MIA3: variants seen among roughly 807,000 people sequenced by gnomAD.
The protein encoded by MIA3 is transport and Golgi organization protein 1 homolog.
Under a neutral mutation model 192.4 loss-of-function variants are expected in MIA3, and 90 were observed. The observed-to-expected ratio is 0.47, with a 90% CI of 0.39 to 0.56. The LOEUF (loss-of-function observed/expected upper bound fraction) is 0.56. MIA3 is among the 20% of genes least tolerant of loss of function. MIA3 has a pLI of 0.00. For missense variants in MIA3, 2,123 were observed against 2,269.4 expected, an observed-to-expected ratio of 0.94 and a Z score of 1.31; for synonymous variants, 740 against 792.8, an observed-to-expected ratio of 0.93 and a Z score of 1.12.
chr1:222,650,782 C>CT lies in MIA3; in HGVS notation c.3799-5dup, dbSNP rs762962501. 7 of 1,588,166 alleles carry CT rather than the reference C, an allele frequency of 4.4e-6. No homozygotes were observed. The South Asian group carries it at 4.5e-5, about 10-fold the overall frequency. On this transcript the variant is annotated splice_polypyrimidine_tract_variant and intron_variant, in intron 10 of 27. Transcript: ENST00000344922. ...TAATGAGTATAACTAACCTTAATAT[C>CT]TTTTTTGTAGGATAAAATCAAGACA... is the stretch of plus-strand genomic sequence containing the variant.
intron 7 of MIA3, among the ~76,000 whole-genome samples, 163 bp from the exon 8 acceptor site, chr1:222,648,657 TTTGAAATGC>T (rs1349214327): frequency 6.6e-6 from 1 of 152,222 alleles, no homozygotes; most frequent in Admixed American, 6.5e-5. Context: ...ACTGGTTAAA[TTTGAAATGC>T]TTTTTAACCT....
At chr1:222,636,324 C>T (rs948933496) in intron 6 of MIA3, among the ~76,000 whole-genome samples, 1 of 152,096 alleles carries the variant, frequency 6.6e-6, no homozygotes. Context: ...ATTTAAATGT[C>T]TTGCAGCCCT....
intron 7 of MIA3, among the ~76,000 whole-genome samples, chr1:222,648,246 T>G (rs1369723386): frequency 6.6e-6 from 1 of 152,166 alleles, no homozygotes; most frequent in Non-Finnish European, 1.5e-5. Flanking sequence ...CTGTTTTTAG[T>G]GGTCTAGGAA....
intron 6 of MIA3, chr1:222,641,913 G>T: frequency 2.3e-6 from 1 of 428,358 alleles, no homozygotes; most frequent in South Asian, 1.7e-5. Flanking sequence ...ATCTATAGAT[G>T]ACAGATAAAC....
intron 18 of MIA3, among the ~76,000 whole-genome samples, chr1:222,656,385 T>C (rs995754266): frequency 1.3e-5 from 2 of 152,202 alleles, no homozygotes; most frequent in Non-Finnish European, 1.5e-5. Flanking sequence ...GATAGTTGTT[T>C]AGTATCAGCA....
intron 2 of MIA3, 44 bp downstream of exon 2, chr1:222,621,336 G>C (rs1460802810): frequency 5.7e-6 from 9 of 1,569,784 alleles, no homozygotes; most frequent in Non-Finnish European, 7.8e-6. Flanking sequence ...ATTTTTATTG[G>C]CTTCTTTAGC....
chr1:222,640,893 T>C (rs1662823134), intron 6 of MIA3, among the ~76,000 whole-genome samples: 1 of 152,184 alleles, frequency 6.6e-6, no homozygotes. Context: ...AAAATTCATC[T>C]AAAAAAATGT....
In MIA3 at chr1:222,659,441, T is replaced by C. The variant is rs879181724; in HGVS notation, c.4710-12T>C. On this transcript the variant is annotated splice_polypyrimidine_tract_variant and intron_variant, in intron 19 of 27. Transcript: ENST00000344922. ...TTGTGCTTTAAATGATAAAGCCAAGTGTAATTCTTAGGCGGAGAATTGAAG... is the reference window on the plus strand; with the variant it reads ...TTGTGCTTTAAATGATAAAGCCAAGCGTAATTCTTAGGCGGAGAATTGAAG... 4 of 1,612,788 alleles carry C rather than the reference T, an allele frequency of 2.5e-6. No individual in the cohort carries two copies. In the African/African-American group the frequency reaches 4.0e-5, roughly 16 times the overall value.
Position 222,628,482 on chromosome 1 carries a change from C to T in MIA3, c.1262C>T (p.Pro421Leu). ...GAAGATGATGATGATGCATTAGTCC[C>T]AGATAGCAAACAGGGGAAACCACAG... ...EKEDDDDALV[P>L]DSKQGKPQSA... Residue 421 changes from proline to leucine, a missense_variant, in exon 4 of 28, where the codon CCA becomes CTA. Around this residue, in one of 3 missense-constraint regions of MIA3, gnomAD observed 1,357 missense variants for 1,396.1 expected, o/e 0.97. Transcript: ENST00000344922. 3 of 1,613,404 alleles carry T rather than the reference C, an allele frequency of 1.9e-6. No individual in the cohort carries two copies. Among genetic ancestry groups the T allele is most frequent in the Non-Finnish European group, 2.5e-6 (3 of 1,179,822 alleles).
rs117586881 is a variant in MIA3, at chr1:222,665,041, A to T, written c.5414-268A>T. ...GGTGAAACCCCCATCTCTACAAAAA[A>T]TCCAAAAATTAGCTGGGAGTGGTGG... On this transcript the variant is annotated intron_variant, in intron 27 of 27. Coordinates refer to ENST00000344922, the MANE Select transcript of MIA3 (RefSeq NM_198551.4). 1,119 of 444,876 alleles carry T rather than the reference A, an allele frequency of 2.5e-3. 16 individuals are homozygous for T. The highest frequency in any genetic ancestry group is 0.016 in the South Asian group (737 of 45,730). 27.6% of individuals were successfully genotyped at this position (444,876 alleles called of 1,614,324 possible). A position where few individuals can be genotyped will look rare whatever the true frequency, so the allele number is the denominator to read the frequency against.
At chr1:222,643,545 G>A (rs887086164) in intron 6 of MIA3, among the ~76,000 whole-genome samples, 1 of 151,992 alleles carries the variant, frequency 6.6e-6, no homozygotes, top group Admixed American at 6.6e-5. Flanking sequence ...GTCTAAAAAT[G>A]GTATTTTTTA....
rs572001273 is a variant in MIA3, at chr1:222,633,206, C to T, written c.3434C>T (p.Ala1145Val). The stretch of plus-strand genomic sequence containing the variant: ...GCAAGTGTCACACCTTTGGAAAACG[C>T]AATCCTTCTAATATATTCATTCATG... Reference protein sequence around the residue: ...EPASVTPLENAILLIYSFMFY... With the variant: ...EPASVTPLENVILLIYSFMFY... The change falls in exon 6 of 28, where the codon GCA (alanine) becomes GTA (valine). Residue 1145 changes from alanine to valine, a missense_variant. By Grantham distance (64) the Ala-to-Val change is moderately conservative (BLOSUM62 0). Around this residue, in one of 3 missense-constraint regions of MIA3, gnomAD observed 1,357 missense variants for 1,396.1 expected, o/e 0.97. Transcript: ENST00000344922. 23 of 1,613,468 alleles carry T rather than the reference C, an allele frequency of 1.4e-5. No individual in the cohort carries two copies. In the South Asian group the frequency reaches 2.5e-4, roughly 18 times the overall value.
chr1:222,646,579 C>A (rs1036941935), intron 7 of MIA3, among the ~76,000 whole-genome samples: 3 of 152,002 alleles, frequency 2.0e-5, no homozygotes, highest in Non-Finnish European at 4.4e-5. Context: ...AGACAAAACC[C>A]CATCTCTACT....
rs537544824 is a variant in MIA3, at chr1:222,658,504, TGAGGA to T, written c.4608-214_4608-210del. 30 of 380,480 alleles carry T rather than the reference TGAGGA, an allele frequency of 7.9e-5. No homozygotes were observed. The East Asian group carries it at 1.5e-3, about 20-fold the overall frequency. 23.6% of individuals were successfully genotyped at this position (380,480 alleles called of 1,614,324 possible). ...TTTTCACATTTGTTTCATTTACTAG[TGAGGA>T]GAGAATTATGAGACGTTAGAAAATG... On this transcript the variant is annotated intron_variant, in intron 18 of 27. Transcript: ENST00000344922.
rs1004773290 is a variant in MIA3, at chr1:222,652,244, A to T, written c.3998A>T (p.Asn1333Ile). Residue 1333 changes from asparagine to isoleucine, a missense_variant, in exon 13 of 28, where the codon AAT becomes ATT. Asn to Ile is a moderately radical substitution (Grantham distance 149, BLOSUM62 -3). Transcript: ENST00000344922. ...SEFSEVQIAL[N>I]EAKLSEEKVK... ...TTGCATTAGGTTCAGATTGCACTTA[A>T]TGAAGCTAAGCTTAGTGAAGAGAAG... is the stretch of plus-strand genomic sequence containing the variant. The T allele has an allele frequency of 6.2e-7, 1 of 1,613,218 alleles. No individual in the cohort carries two copies. The highest frequency in any genetic ancestry group is 8.5e-7 in the Non-Finnish European group (1 of 1,179,352).
Position 222,629,879 on chromosome 1 carries a change from A to G in MIA3, c.2659A>G (p.Met887Val), listed in dbSNP as rs751029174. The change falls in exon 4 of 28, where the codon ATG becomes GTG. Residue 887 changes from methionine to valine, a missense_variant. Physicochemically the swap from Met to Val is conservative, Grantham distance 21. Around this residue, in one of 3 missense-constraint regions of MIA3, gnomAD observed 1,357 missense variants for 1,396.1 expected, o/e 0.97. Transcript: ENST00000344922. ...KEDHENTEKY[M>V]GTESQGSAAA... ...GGACCATGAGAACACAGAGAAGTAC[A>G]TGGGCACAGAAAGCCAGGGGTCTGC... 3.7e-6 allele frequency: 6 copies of G among 1,613,978 alleles called. No homozygotes were observed. The highest frequency in any genetic ancestry group is 5.1e-6 in the Non-Finnish European group (6 of 1,180,006).
chr1:222,665,315 G>A lies in MIA3; in HGVS notation c.5420G>A (p.Gly1807Asp). The A allele has an allele frequency of 1.3e-6, 2 of 1,598,998 alleles. No individual in the cohort carries two copies. The highest frequency in any genetic ancestry group is 1.8e-5 in the Admixed American group (1 of 56,608). ...PRPLPPPFGP[G>D]MRPPLGLREF... ...AATAATTTTTGTTTTCCAGGCCCTGGTATGCGTCCACCACTAGGCTTAAGA... is the reference window on the plus strand; with the variant it reads ...AATAATTTTTGTTTTCCAGGCCCTGATATGCGTCCACCACTAGGCTTAAGA... Residue 1807 changes from glycine to aspartate, a missense_variant, in exon 28 of 28, where the codon GGT (glycine) becomes GAT (aspartate). Around this residue, in one of 3 missense-constraint regions of MIA3, gnomAD observed 762 missense variants for 856.4 expected, o/e 0.89. Transcript: ENST00000344922.
chr1:222,629,002 T>C lies in MIA3; in HGVS notation c.1782T>C (p.Ser594=), dbSNP rs1384154611. 1.9e-6 allele frequency: 3 copies of C among 1,613,942 alleles called. No individual in the cohort carries two copies. The highest frequency in any genetic ancestry group is 2.2e-5 in the East Asian group (1 of 44,882). The change falls in exon 4 of 28, where the codon AGT becomes AGC. Residue 594 remains serine, a synonymous_variant. Transcript: ENST00000344922. ...ACCACCCTAACGCATCCAGAGACAG[T>C]GTGGAGGGAGACGCTTTGGTAAATG... is the stretch of plus-strand genomic sequence containing the variant. ...GDDHPNASRD[S]VEGDALVNGA...
intron 6 of MIA3, among the ~76,000 whole-genome samples, chr1:222,639,415 GCAAAGA>G (rs1558183122): frequency 6.6e-6 from 1 of 151,934 alleles, no homozygotes. Flanking sequence ...TCAAAACAAG[GCAAAGA>G]CAAAGACAAG....
Sources: allele counts gnomAD v4.1 joint callset (sites outside exome capture counted in the v4.1 genomes callset), GRCh38; gene constraint gnomAD v4.1.1; regional missense constraint gnomAD v4.1.1; transcripts MANE v1.5; gene names NCBI Gene and HGNC (gene_info 2026-07-23, HGNC 2026-07-21).